The following DACH1 variants were observed in gnomAD, a reference collection of about 807,000 sequenced individuals.
DACH1 encodes dachshund homolog 1.
A neutral mutation model predicts 54.2 loss-of-function variants in DACH1; 12 were observed. That is an observed-to-expected ratio of 0.22 (90% CI 0.14 to 0.36). The LOEUF is 0.36. Ranked by LOEUF, DACH1 falls within the 10% of genes least tolerant of loss-of-function variation. The pLI is 1.00. For missense variants in DACH1, 805 were observed against 929.8 expected, an observed-to-expected ratio of 0.87 and a Z score of 1.75; for synonymous variants, 386 against 366.2, an observed-to-expected ratio of 1.05 and a Z score of -0.62.
chr13:71,758,589 A>G (rs1885266285), intron 1 of DACH1, among the ~76,000 whole-genome samples: 1 of 152,194 alleles, frequency 6.6e-6, no homozygotes, highest in Non-Finnish European at 1.5e-5. Context: ...CTATATAATT[A>G]TTTAAGAATA....
At chr13:71,780,948 A>T (rs1886343019) in intron 1 of DACH1, among the ~76,000 whole-genome samples, 1 of 152,170 alleles carries the variant, frequency 6.6e-6, no homozygotes, top group Admixed American at 6.6e-5. Context: ...AGCATGGGCA[A>T]CATAGCGAGA....
intron 1 of DACH1, among the ~76,000 whole-genome samples, chr13:71,788,536 GTCCTGTC>G (rs1886700169): frequency 1.3e-5 from 2 of 151,874 alleles, no homozygotes; most frequent in East Asian, 1.9e-4. Flanking sequence ...AAATATATTT[GTCCTGTC>G]TGCTATAGGG....
At chr13:71,710,764 A>ACAACAG (rs1882686297) in intron 1 of DACH1, among the ~76,000 whole-genome samples, 1 of 152,196 alleles carries the variant, frequency 6.6e-6, no homozygotes, top group Admixed American at 6.5e-5. Flanking sequence ...AAAAATTCTT[A>ACAACAG]CATAAAATAG....
intron 1 of DACH1, among the ~76,000 whole-genome samples, chr13:71,749,427 G>T (rs540754590): frequency 2.0e-5 from 3 of 151,752 alleles, no homozygotes; most frequent in African/African-American, 7.3e-5. Context: ...TTTTTTGAGG[G>T]GGGGGCATTT....
intron 6 of DACH1, among the ~76,000 whole-genome samples, chr13:71,492,378 A>G (rs1392060090): frequency 6.6e-6 from 1 of 152,164 alleles, no homozygotes; most frequent in Non-Finnish European, 1.5e-5. Context: ...AAAGCAGAGA[A>G]AGGTTTGAAA....
intron 1 of DACH1, among the ~76,000 whole-genome samples, chr13:71,733,683 C>A (rs1437902637): frequency 6.6e-6 from 1 of 152,020 alleles, no homozygotes; most frequent in Non-Finnish European, 1.5e-5. Context: ...TAAAAGTAAG[C>A]TAGTCATTTT....
chr13:71,450,116 G>C (rs1874891761), intron 10 of DACH1, among the ~76,000 whole-genome samples: 1 of 151,310 alleles, frequency 6.6e-6, no homozygotes, highest in African/African-American at 2.4e-5. Context: ...AGTTTGATAA[G>C]GTACAGGCTT....
At chr13:71,495,919 C>T (rs1364729308) in intron 6 of DACH1, among the ~76,000 whole-genome samples, 1 of 151,954 alleles carries the variant, frequency 6.6e-6, no homozygotes, top group East Asian at 1.9e-4. Flanking sequence ...AAGTGTCCAT[C>T]AGGGGATGAC....
At chr13:71,784,514 C>T (rs981082991) in intron 1 of DACH1, among the ~76,000 whole-genome samples, 2 of 152,118 alleles carry the variant, frequency 1.3e-5, no homozygotes, top group Non-Finnish European at 2.9e-5. Context: ...CACCCACTCA[C>T]ATAAGAAAAC....
chr13:71,447,933 T>G (rs1874619321), intron 10 of DACH1, among the ~76,000 whole-genome samples: 1 of 152,226 alleles, frequency 6.6e-6, no homozygotes, highest in Admixed American at 6.5e-5. Flanking sequence ...GAAAGTCATG[T>G]AAAATCCTTA....
Position 71,475,769 on chromosome 13 carries a change from G to A in DACH1, c.1951C>T (p.Arg651Cys), listed in dbSNP as rs1877464288. Reference sequence around the variant, plus strand: ...TTTAGCGTCTGTTCTGCTTGTTCACGCCGTTTCGTCTCAAACTCAAGTGCT... The same window carrying A: ...TTTAGCGTCTGTTCTGCTTGTTCACACCGTTTCGTCTCAAACTCAAGTGCT... ...QEALEFETKR[R>C]EQAEQTLKQA... The change falls in exon 9 of 11, where the codon CGT becomes TGT. Residue 651 changes from arginine (R) to cysteine (C), a missense_variant. Around this residue, in one of 3 missense-constraint regions of DACH1, gnomAD observed 472 missense variants for 545.3 expected, o/e 0.87. Coordinates refer to ENST00000613252, the MANE Select transcript of DACH1 (RefSeq NM_080759.6). 2 of 1,613,484 alleles carry A rather than the reference G, an allele frequency of 1.2e-6. No homozygotes were observed. Among genetic ancestry groups the A allele is most frequent in the Non-Finnish European group, 1.7e-6 (2 of 1,179,858 alleles).
intron 1 of DACH1, among the ~76,000 whole-genome samples, chr13:71,820,538 A>G (rs1430336731): frequency 6.6e-6 from 1 of 152,212 alleles, no homozygotes; most frequent in Non-Finnish European, 1.5e-5. Context: ...TAAGTTTCAC[A>G]TAATATTCTT....
At chr13:71,725,400 T>C (rs1883425233) in intron 1 of DACH1, among the ~76,000 whole-genome samples, 1 of 152,124 alleles carries the variant, frequency 6.6e-6, no homozygotes, top group South Asian at 2.1e-4. Context: ...CATTCAAGTG[T>C]TAGTCCTCTC....
chr13:71,500,483 G>A (rs1744979779), intron 6 of DACH1, among the ~76,000 whole-genome samples: 1 of 152,112 alleles, frequency 6.6e-6, no homozygotes, highest in African/African-American at 2.4e-5. Context: ...CTCTGGTGTT[G>A]AGGACTGATA....
intron 3 of DACH1, among the ~76,000 whole-genome samples, chr13:71,610,934 A>T (rs1875282650): frequency 6.6e-6 from 1 of 152,158 alleles, no homozygotes; most frequent in Admixed American, 6.5e-5. Flanking sequence ...TTTAACCTAA[A>T]ATAGGAGAGC....
chr13:71,457,188 T>C (rs73213386), intron 10 of DACH1, among the ~76,000 whole-genome samples: 426 of 152,116 alleles, frequency 2.8e-3, no homozygotes, highest in Middle Eastern at 3.4e-3. Context: ...TGAGAGTAAA[T>C]TATTGTTGCT....
chr13:71,865,919 C>A lies in DACH1; in HGVS notation c.848+3G>T. ...GCGGCGGGGGCTATCCCCCCCGACT[C>A]ACCTTGCGTTGGTGCAGTCATTGTA... On this transcript the variant is annotated splice_donor_region_variant and intron_variant, in intron 1 of 10. Transcript: ENST00000613252. 6.3e-7 allele frequency: 1 copy of A among 1,599,214 alleles called. No individual in the cohort carries two copies. Among genetic ancestry groups the A allele is most frequent in the South Asian group, 1.1e-5 (1 of 89,466 alleles).
chr13:71,823,409 T>C (rs966894436), intron 1 of DACH1, among the ~76,000 whole-genome samples: 13 of 152,074 alleles, frequency 8.5e-5, no homozygotes, highest in African/African-American at 2.4e-4. Flanking sequence ...TAGAGAGCTA[T>C]CGAGCTATGA....
intron 3 of DACH1, among the ~76,000 whole-genome samples, chr13:71,593,765 C>T (rs1267025350): frequency 1.3e-5 from 2 of 151,908 alleles, no homozygotes; most frequent in Non-Finnish European, 1.5e-5. Context: ...CATTTTTCAT[C>T]ATCATTTCCC....
Sources: gnomAD v4.1 joint callset for allele counts (sites outside exome capture counted in the v4.1 genomes callset) on GRCh38, gnomAD v4.1.1 for gene constraint, gnomAD v4.1.1 regional missense constraint, MANE v1.5 for transcripts, NCBI Gene and HGNC (gene_info 2026-07-23, HGNC 2026-07-21) for gene names.